ST6GALNAC3: variants seen among roughly 807,000 people sequenced by gnomAD.
ST6GALNAC3 encodes alpha-N-acetylgalactosaminide alpha-2,6-sialyltransferase 3.
Under a neutral mutation model 32.7 loss-of-function variants are expected in ST6GALNAC3, and 25 were observed. The observed-to-expected ratio is 0.76, with a 90% CI of 0.56 to 1.07. The LOEUF (loss-of-function observed/expected upper bound fraction) is 1.07, where lower values mean the gene tolerates loss of function less well. Ranked by LOEUF, ST6GALNAC3 falls within the 50% of genes least tolerant of loss-of-function variation. The probability of loss-of-function intolerance (pLI) is 0.00; values close to 1 mark genes in which losing one functional copy is unlikely to be tolerated. For missense variants in ST6GALNAC3, 355 were observed against 382.4 expected (o/e 0.93, Z 0.60); for synonymous variants, 129 against 133.1 (o/e 0.97, Z 0.21).
Position 76,097,216 on chromosome 1 carries a change from G to T in ST6GALNAC3, c.18+22332G>T, listed in dbSNP as rs529056738. Reference sequence around the variant, plus strand: ...TTACAGGCGTGAACCACTGCGCCCAGCCAGAGCATTGTTTTATGTATGGCT... The same window carrying T: ...TTACAGGCGTGAACCACTGCGCCCATCCAGAGCATTGTTTTATGTATGGCT... On this transcript the variant is annotated intron_variant, in intron 1 of 4. Coordinates refer to ENST00000328299, the MANE Select transcript of ST6GALNAC3 (RefSeq NM_152996.4). Among the ~76,000 whole-genome samples the T allele has an allele frequency of 2.0e-5, 3 of 152,330 alleles. No homozygotes were observed. The South Asian group carries it at 6.2e-4, about 32-fold the overall frequency.
At chr1:76,100,243 C>A (rs1029385958) in intron 1 of ST6GALNAC3, among the ~76,000 whole-genome samples, 6 of 151,750 alleles carry the variant, frequency 4.0e-5, no homozygotes, top group African/African-American at 1.5e-4. Flanking sequence ...TCTTTTTTTA[C>A]CTGATTGTAC....
chr1:76,389,011 CCTTTTT>C (rs1380012803), intron 2 of ST6GALNAC3, among the ~76,000 whole-genome samples: 4 of 107,902 alleles, frequency 3.7e-5, no homozygotes, highest in Admixed American at 9.8e-5. Context: ...TGGTATATTT[CCTTTTT>C]TTTTTTTTTT....
intron 1 of ST6GALNAC3, among the ~76,000 whole-genome samples, chr1:76,124,495 G>T (rs376584857): frequency 6.6e-6 from 1 of 152,108 alleles, no homozygotes; most frequent in South Asian, 2.1e-4. Flanking sequence ...GGGATGTGCC[G>T]CACTCCACCG....
chr1:76,377,303 GCTGTAAAGAACTAC>G (rs756707718), intron 2 of ST6GALNAC3, among the ~76,000 whole-genome samples: 28 of 152,206 alleles, frequency 1.8e-4, no homozygotes, highest in Non-Finnish European at 3.1e-4. Context: ...TTCTCACATT[GCTGTAAAGAACTAC>G]CTGAGACTGG....
chr1:76,576,767 G>A, intron 3 of ST6GALNAC3: 1 of 1,121,162 alleles, frequency 8.9e-7, no homozygotes, highest in Non-Finnish European at 1.2e-6. Flanking sequence ...GAATGAGGGG[G>A]TTCTGATAGC....
chr1:76,391,766 T>C (rs1652584538), intron 2 of ST6GALNAC3, among the ~76,000 whole-genome samples: 1 of 152,126 alleles, frequency 6.6e-6, no homozygotes, highest in Non-Finnish European at 1.5e-5. Context: ...TCAGAGAAAA[T>C]TTTCTGCTTC....
intron 1 of ST6GALNAC3, among the ~76,000 whole-genome samples, chr1:76,182,324 G>C (rs772655404): frequency 5.3e-5 from 8 of 152,120 alleles, no homozygotes; most frequent in Non-Finnish European, 1.0e-4. Flanking sequence ...GAAGTAACAA[G>C]GCCATTTTTG....
In ST6GALNAC3 at chr1:76,083,018, C is replaced by T. The variant is rs545509400; in HGVS notation, c.18+8134C>T. On this transcript the variant is annotated intron_variant, in intron 1 of 4. Coordinates refer to ENST00000328299, the MANE Select transcript of ST6GALNAC3 (RefSeq NM_152996.4). ...ATCCTTTTCTGGAAGGGACTTCTCTCTGATTTCAAAGGCTATTTGGTTTCT... is the reference window on the plus strand; with the variant it reads ...ATCCTTTTCTGGAAGGGACTTCTCTTTGATTTCAAAGGCTATTTGGTTTCT... Among the ~76,000 whole-genome samples the T allele has an allele frequency of 8.5e-5, 13 of 152,276 alleles. No homozygotes were observed. The South Asian group carries it at 1.9e-3, about 22-fold the overall frequency.
intron 3 of ST6GALNAC3, among the ~76,000 whole-genome samples, chr1:76,504,747 T>G (rs1025617547): frequency 6.6e-6 from 1 of 152,218 alleles, no homozygotes; most frequent in Non-Finnish European, 1.5e-5. Context: ...GAGGTTTTAA[T>G]ATTGTAAGAT....
intron 3 of ST6GALNAC3, among the ~76,000 whole-genome samples, chr1:76,461,499 T>C (rs1658276688): frequency 6.6e-6 from 1 of 152,180 alleles, no homozygotes; most frequent in Admixed American, 6.5e-5. Flanking sequence ...TTTGGAAGAA[T>C]GGTGCTTCGT....
intron 2 of ST6GALNAC3, among the ~76,000 whole-genome samples, chr1:76,350,495 C>G (rs1448803930): frequency 1.3e-5 from 2 of 152,106 alleles, no homozygotes; most frequent in African/African-American, 4.8e-5. Flanking sequence ...ATGAAAATGT[C>G]TTTTGAATGA....
chr1:76,474,394 G>A (rs1659219805), intron 3 of ST6GALNAC3, among the ~76,000 whole-genome samples: 1 of 152,124 alleles, frequency 6.6e-6, no homozygotes, highest in Non-Finnish European at 1.5e-5. Context: ...GGGACCTCAT[G>A]ATTGGATCTG....
rs371361760 is a variant in ST6GALNAC3 at position 76,627,533 on chromosome 1, C to G, written c.705C>G (p.Tyr235Ter). Residue 235 changes from tyrosine (Y) to a stop codon, truncating the protein, a stop_gained, in exon 4 of 5, where the codon TAC becomes TAG. Transcript: ENST00000328299. LOFTEE classifies it high-confidence loss of function. ...AMDACYGIHV[Y>*]GMINDTYCKT... ...ACGCCTGTTATGGCATTCACGTCTA[C>G]GGGATGATAAATGACACCTACTGCA... The G allele has an allele frequency of 2.5e-6, 4 of 1,612,298 alleles. No individual in the cohort carries two copies. The highest frequency in any genetic ancestry group is 3.4e-6 in the Non-Finnish European group (4 of 1,178,836).
intron 1 of ST6GALNAC3, among the ~76,000 whole-genome samples, chr1:76,150,302 C>T: frequency 6.6e-6 from 1 of 152,192 alleles, no homozygotes; most frequent in East Asian, 1.9e-4. Context: ...TTGACTTCAA[C>T]TTTCCTCTTT....
At chr1:76,504,105 C>A (rs1410767011) in intron 3 of ST6GALNAC3, among the ~76,000 whole-genome samples, 2 of 152,102 alleles carry the variant, frequency 1.3e-5, no homozygotes, top group Non-Finnish European at 2.9e-5. Flanking sequence ...TTCTGGAGAC[C>A]AGAATTCAGA....
chr1:76,395,088 A>T (rs1379330456), intron 2 of ST6GALNAC3, among the ~76,000 whole-genome samples: 2 of 152,180 alleles, frequency 1.3e-5, no homozygotes, highest in East Asian at 3.9e-4. Context: ...AGTGCTTAAG[A>T]TATGCCACTA....
At chr1:76,560,030 G>A (rs1290292835) in intron 3 of ST6GALNAC3, among the ~76,000 whole-genome samples, 2 of 152,066 alleles carry the variant, frequency 1.3e-5, no homozygotes, top group Non-Finnish European at 2.9e-5. Context: ...ACAAATCCAT[G>A]CACCTAAAGT....
At chr1:76,110,113 G>T (rs1647817504) in intron 1 of ST6GALNAC3, among the ~76,000 whole-genome samples, 2 of 152,216 alleles carry the variant, frequency 1.3e-5, no homozygotes, top group Non-Finnish European at 2.9e-5. Flanking sequence ...CCCTGCTTCT[G>T]CCCAAAGGGC....
intron 2 of ST6GALNAC3, among the ~76,000 whole-genome samples, chr1:76,373,913 A>AT: frequency 6.6e-6 from 1 of 152,054 alleles, no homozygotes; most frequent in East Asian, 1.9e-4. Context: ...CACCCCCACC[A>AT]TTCTTTTCTT....
Sources: allele counts gnomAD v4.1 joint callset (sites outside exome capture counted in the v4.1 genomes callset), GRCh38; gene constraint gnomAD v4.1.1; transcripts MANE v1.5; gene names NCBI Gene and HGNC (gene_info 2026-07-23, HGNC 2026-07-21).